Variants in KNL1 observed in about 807,000 individuals in gnomAD.
KNL1 encodes the protein outer kinetochore KNL1 complex subunit KNL1.
Under a neutral mutation model 201.3 loss-of-function variants are expected in KNL1, and 66 were observed. The observed-to-expected ratio is 0.33, with a 90% CI of 0.27 to 0.40. The LOEUF (loss-of-function observed/expected upper bound fraction) is 0.40. KNL1 is among the 10% of genes least tolerant of loss of function. KNL1 has a pLI of 1.00. For synonymous variants in KNL1, 895 were observed against 899.2 expected, an observed-to-expected ratio of 1.00 and a Z score of 0.08; for missense variants, 2,815 against 2,690.5, an observed-to-expected ratio of 1.05 and a Z score of -1.02.
At chr15:40,606,890 A>G (rs919660255) in intron 4 of KNL1, among the ~76,000 whole-genome samples, 29 of 152,210 alleles carry the variant, frequency 1.9e-4, no homozygotes, top group African/African-American at 6.0e-4. Context: ...CTCCTGAGTA[A>G]CTAGGCCTAC....
At position 40,624,103 on chromosome 15, in the gene KNL1, G is replaced by C. The variant is rs765541641; in HGVS notation, c.3839G>C (p.Arg1280Thr). 1 of 1,613,938 alleles carries C rather than the reference G, an allele frequency of 6.2e-7. No homozygotes were observed. Among genetic ancestry groups the C allele is most frequent in the African/African-American group, 1.3e-5 (1 of 74,918 alleles). The stretch of plus-strand genomic sequence containing the variant: ...GTTGAAAGCTGTCAGTTAAATAATA[G>C]AGATAGAAGAAATGTGGACTTTACA... Reference protein sequence around the residue: ...AQVESCQLNNRDRRNVDFTSS... With the variant: ...AQVESCQLNNTDRRNVDFTSS... The change falls in exon 10 of 26, where the codon AGA (arginine) becomes ACA (threonine). Residue 1280 changes from arginine (R) to threonine (T), a missense_variant. Arg to Thr is a moderately conservative substitution (Grantham distance 71, BLOSUM62 -1). Around this residue, in one of 3 missense-constraint regions of KNL1, gnomAD observed 2,464 missense variants for 2,291.7 expected, o/e 1.08. Coordinates refer to ENST00000399668, the MANE Select transcript of KNL1 (RefSeq NM_144508.5).
intron 8 of KNL1, among the ~76,000 whole-genome samples, chr15:40,616,083 A>C (rs1595920861): frequency 7.0e-6 from 1 of 142,746 alleles, no homozygotes; most frequent in African/African-American, 2.6e-5. Context: ...TGTTCTTTAC[A>C]CATTGTCTTC....
chr15:40,645,178 G>C (rs1893349168), intron 15 of KNL1, 91 bp downstream of exon 15: 2 of 823,984 alleles, frequency 2.4e-6, no homozygotes, highest in Non-Finnish European at 3.9e-6. Context: ...TGGTCATAGT[G>C]ATGAGTTATT....
intron 4 of KNL1, 56 bp from the exon 5 acceptor site, chr15:40,608,791 A>G: frequency 1.7e-6 from 2 of 1,187,994 alleles, no homozygotes; most frequent in Non-Finnish European, 2.5e-6. Flanking sequence ...AGTACTCTGG[A>G]GATGTAATTC....
Position 40,624,129 on chromosome 15 carries a change from A to C in KNL1, c.3865A>C (p.Ser1289Arg). 6.2e-7 allele frequency: 1 copy of C among 1,614,080 alleles called. No individual in the cohort carries two copies. Among genetic ancestry groups the C allele is most frequent in the South Asian group, 1.1e-5 (1 of 91,086 alleles). Residue 1289 changes from serine to arginine, a missense_variant, in exon 10 of 26, where the codon AGT becomes CGT. Physicochemically the swap from Ser to Arg is moderately radical, Grantham distance 110. Transcript: ENST00000399668. ...NRDRRNVDFT[S>R]SHATAVCGSS... Reference sequence around the variant, plus strand: ...AGATAGAAGAAATGTGGACTTTACAAGTAGTCATGCAACTGCTGTTTGTGG... The same window carrying C: ...AGATAGAAGAAATGTGGACTTTACACGTAGTCATGCAACTGCTGTTTGTGG...
At chr15:40,605,336 A>G (rs1192285824) in intron 3 of KNL1, among the ~76,000 whole-genome samples, 187 bp downstream of exon 3, 3 of 152,178 alleles carry the variant, frequency 2.0e-5, no homozygotes, top group African/African-American at 7.2e-5. Flanking sequence ...TACTTTATGA[A>G]TTTTGTAGTA....
At position 40,623,321 on chromosome 15, in the gene KNL1, G is replaced by A. The variant is rs747606516; in HGVS notation, c.3057G>A (p.Glu1019=). ...ATGACAGCCAGCTAACCCCTCTGGA[G>A]GAATGGTCTAATAATAGGGGCCCTG... is the stretch of plus-strand genomic sequence containing the variant. ...VANDSQLTPL[E]EWSNNRGPVE... Residue 1019 remains glutamate, a synonymous_variant, in exon 10 of 26, where the codon GAG becomes GAA. Coordinates refer to ENST00000399668, the MANE Select transcript of KNL1 (RefSeq NM_144508.5). 1 of 1,613,938 alleles carries A rather than the reference G, an allele frequency of 6.2e-7. No individual in the cohort carries two copies.
In KNL1 at chr15:40,659,553, C is replaced by T. The variant is rs576881429; in HGVS notation, c.6836+92C>T. ...TGTTGCCCAGGCTGGAGTGTAGTGG[C>T]GCAATCTCGGCTCACTGCAACCTCT... On this transcript the variant is annotated intron_variant, in intron 25 of 25. Coordinates refer to ENST00000399668, the MANE Select transcript of KNL1 (RefSeq NM_144508.5). The T allele has an allele frequency of 4.8e-4, 575 of 1,208,422 alleles. 3 individuals are homozygous for T. In the African/African-American group the frequency reaches 8.0e-3, roughly 17 times the overall value. 74.9% of individuals were successfully genotyped at this position (1,208,422 alleles called of 1,614,324 possible).
chr15:40,650,407 G>A, intron 18 of KNL1, 29 bp downstream of exon 18: 2 of 1,576,684 alleles, frequency 1.3e-6, no homozygotes, highest in Non-Finnish European at 1.7e-6. Context: ...GAGATAAATG[G>A]GTGTGGGGGA....
Position 40,624,001 on chromosome 15 carries a change from A to G in KNL1, c.3737A>G (p.Lys1246Arg). ...AATAGAACTACTAATGAAATCATCA[A>G]ATTTCATAGTGCTGCTATGGATGAA... ...ATNRTTNEII[K>R]FHSAAMDEKV... Residue 1246 changes from lysine to arginine, a missense_variant, in exon 10 of 26, where the codon AAA (lysine) becomes AGA (arginine). By Grantham distance (26) the Lys-to-Arg change is conservative. This residue lies in a region of KNL1 where 2,464 missense variants were observed against 2,291.7 expected (regional missense o/e 1.08). Coordinates refer to ENST00000399668, the MANE Select transcript of KNL1 (RefSeq NM_144508.5). 1 of 1,613,832 alleles carries G rather than the reference A, an allele frequency of 6.2e-7. No individual in the cohort carries two copies. The highest frequency in any genetic ancestry group is 8.5e-7 in the Non-Finnish European group (1 of 1,179,818).
Position 40,602,967 on chromosome 15 carries a change from G to A in KNL1, c.35+1G>A. Reference sequence around the variant, plus strand: ...TGTCTTCAGAGGCTAATGAAGAAAAGTAAGTTCATTTAATGCAGCTAAAAA... The same window carrying A: ...TGTCTTCAGAGGCTAATGAAGAAAAATAAGTTCATTTAATGCAGCTAAAAA... On this transcript the variant is annotated splice_donor_variant, in intron 2 of 25. Coordinates refer to ENST00000399668, the MANE Select transcript of KNL1 (RefSeq NM_144508.5). LOFTEE classifies it high-confidence loss of function. The A allele has an allele frequency of 6.3e-7, 1 of 1,589,986 alleles. No homozygotes were observed. The highest frequency in any genetic ancestry group is 1.3e-5 in the African/African-American group (1 of 74,298).
intron 6 of KNL1, chr15:40,610,908 C>A (rs1264048460): frequency 2.2e-6 from 1 of 445,168 alleles, no homozygotes; most frequent in Admixed American, 2.4e-5. Flanking sequence ...CACCACCACA[C>A]CCAGCTAATT....
rs754773400 is a variant in KNL1 at position 40,644,705 on chromosome 15, T to C, written c.5799-292T>C. Among the ~76,000 whole-genome samples, 78 of 152,354 alleles carry C rather than the reference T, an allele frequency of 5.1e-4. No individual in the cohort carries two copies. In the Middle Eastern group the frequency reaches 0.01, roughly 20 times the overall value. ...GAGAATAGCGATGACTTTTACCAAG[T>C]ATACTGCTTGTAAACATTTTGTCAA... On this transcript the variant is annotated intron_variant, in intron 14 of 25. Transcript: ENST00000399668.
intron 14 of KNL1, chr15:40,643,453 C>G (rs1438721609): frequency 6.6e-6 from 1 of 152,222 alleles, no homozygotes; most frequent in Non-Finnish European, 1.5e-5. Context: ...CGTGAACCAC[C>G]GCGCCTGGCC....
rs1234836680 is a variant in KNL1, at chr15:40,631,741, G to A, written c.5682+2370G>A. ...GGATAAATCCAGGCCAGGCATGGTG[G>A]CTCACACCTGTAATTTCAGCACTTT... is the stretch of plus-strand genomic sequence containing the variant. On this transcript the variant is annotated intron_variant, in intron 13 of 25. Transcript: ENST00000399668. 2.0e-5 allele frequency among the ~76,000 whole-genome samples: 3 copies of A among 152,156 alleles called. No individual in the cohort carries two copies. The East Asian group carries it at 5.8e-4, about 29-fold the overall frequency.
chr15:40,657,026 T>A lies in KNL1; in HGVS notation c.6485-16T>A. ...TAAGTAATAACCTGCTTTTGCTTTT[T>A]TTTTTCCTTCCCCAGAGGATCAAGC... On this transcript the variant is annotated splice_polypyrimidine_tract_variant and intron_variant, in intron 22 of 25. Coordinates refer to ENST00000399668, the MANE Select transcript of KNL1 (RefSeq NM_144508.5). The A allele has an allele frequency of 1.5e-6, 2 of 1,344,088 alleles. No homozygotes were observed. The highest frequency in any genetic ancestry group is 2.0e-6 in the Non-Finnish European group (2 of 980,988). 83.3% of individuals were successfully genotyped at this position (1,344,088 alleles called of 1,614,324 possible). A position where few individuals can be genotyped will look rare whatever the true frequency, so the allele number is the denominator to read the frequency against.
At chr15:40,604,117 A>ATCG (rs1363984908) in intron 2 of KNL1, among the ~76,000 whole-genome samples, 1 of 50,304 alleles carries the variant, frequency 2.0e-5, no homozygotes, top group Non-Finnish European at 4.8e-5. Flanking sequence ...TGTCTCACAT[A>ATCG]TCATCATCAT....
Position 40,605,279 on chromosome 15 carries a change from C to T in KNL1, c.75+130C>T. On this transcript the variant is annotated intron_variant, in intron 3 of 25. Coordinates refer to ENST00000399668, the MANE Select transcript of KNL1 (RefSeq NM_144508.5). ...TCCTGTTGCTCTCTAGATAAAGACTCAAATATTTAACGTGGTTATACAATT... is the reference window on the plus strand; with the variant it reads ...TCCTGTTGCTCTCTAGATAAAGACTTAAATATTTAACGTGGTTATACAATT... 3.5e-6 allele frequency: 2 copies of T among 579,610 alleles called. 1 individual carries two copies. Among genetic ancestry groups the T allele is most frequent in the Admixed American group, 5.4e-5 (2 of 37,348 alleles). The allele number at this position is 579,610 out of a possible 1,614,324, so 35.9% of individuals were successfully genotyped here. A position where few individuals can be genotyped will look rare whatever the true frequency, so the allele number is the denominator to read the frequency against.
rs1349600732 is a variant in KNL1, at chr15:40,612,315, C to CA, written c.284+811dup. On this transcript the variant is annotated intron_variant, in intron 7 of 25. Transcript: ENST00000399668. ...TGGGCGACAGAGCGAGACTCCGTCT[C>CA]AAAAAAACAAAAAAAACCCCAAAAA... Among the ~76,000 whole-genome samples, 3 of 150,152 alleles carry CA rather than the reference C, an allele frequency of 2.0e-5. No individual in the cohort carries two copies. The East Asian group carries it at 6.0e-4, about 30-fold the overall frequency.
Sources: gnomAD v4.1 joint callset for allele counts (sites outside exome capture counted in the v4.1 genomes callset) on GRCh38, gnomAD v4.1.1 for gene constraint, gnomAD v4.1.1 regional missense constraint, MANE v1.5 for transcripts, NCBI Gene and HGNC (gene_info 2026-07-23, HGNC 2026-07-21) for gene names.